Variants in CHL1 observed in about 807,000 individuals in gnomAD.
CHL1 encodes the protein cell adhesion molecule L1 like, also known as neural cell adhesion molecule L1-like protein.
CHL1 carries 96 observed loss-of-function variants against 141.9 expected under a neutral mutation model. The observed-to-expected ratio is 0.68, with a 90% CI of 0.57 to 0.80. The LOEUF is 0.80. Among genes scored for constraint, CHL1 ranks in the 30% least tolerant of loss-of-function variants. The pLI, the probability that CHL1 is intolerant of heterozygous loss-of-function variation, is 0.00. For synonymous variants in CHL1, 613 were observed against 502.2 expected (o/e 1.22, Z -2.95); for missense variants, 1,820 against 1,457.2 (o/e 1.25, Z -4.05).
intron 2 of CHL1, among the ~76,000 whole-genome samples, chr3:314,626 T>A (rs1396436053): frequency 2.6e-5 from 4 of 151,762 alleles, no homozygotes; most frequent in Non-Finnish European, 5.9e-5. Flanking sequence ...TGGCTGCCAT[T>A]TTACGTTTAG....
chr3:298,633 G>A (rs755197486), intron 2 of CHL1, among the ~76,000 whole-genome samples: 8 of 152,242 alleles, frequency 5.3e-5, no homozygotes, highest in Admixed American at 3.9e-4. Context: ...TAACTTGCTT[G>A]CCAGGAGGGT....
At chr3:237,426 T>C (rs1001882907) in intron 1 of CHL1, among the ~76,000 whole-genome samples, 2 of 152,350 alleles carry the variant, frequency 1.3e-5, no homozygotes, top group Non-Finnish European at 1.5e-5. Flanking sequence ...AAGTTCTTTG[T>C]AGCACTGTGA....
At chr3:382,423 C>T (rs1177231546) in intron 17 of CHL1, 51 bp from the exon 18 acceptor site, 22 of 1,524,830 alleles carry the variant, frequency 1.4e-5, no homozygotes, top group African/African-American at 4.1e-5. Context: ...TTTGGTATAA[C>T]TTATCCATAC....
intron 11 of CHL1, among the ~76,000 whole-genome samples, chr3:359,762 G>C (rs1704043030): frequency 6.6e-6 from 1 of 152,196 alleles, no homozygotes; most frequent in Non-Finnish European, 1.5e-5. Flanking sequence ...TGTACATGAA[G>C]TGGTTAAATA....
intron 1 of CHL1, among the ~76,000 whole-genome samples, chr3:225,500 G>C (rs1701235339): frequency 6.6e-6 from 1 of 152,174 alleles, no homozygotes; most frequent in South Asian, 2.1e-4. Flanking sequence ...CACGAGAATA[G>C]TATGTGAGAA....
At chr3:276,908 A>G (rs1269987118) in intron 2 of CHL1, among the ~76,000 whole-genome samples, 1 of 150,578 alleles carries the variant, frequency 6.6e-6, no homozygotes, top group Non-Finnish European at 1.5e-5. Context: ...AAAAAAAAAA[A>G]AAAAAAAAGA....
chr3:370,732 T>G (rs1358123765), intron 15 of CHL1, among the ~76,000 whole-genome samples: 1 of 152,242 alleles, frequency 6.6e-6, no homozygotes, highest in Non-Finnish European at 1.5e-5. Flanking sequence ...AGCTTTCTGA[T>G]GTGGGCATTT....
intron 1 of CHL1, among the ~76,000 whole-genome samples, chr3:212,901 G>T (rs1440014716): frequency 2.0e-5 from 3 of 152,102 alleles, no homozygotes; most frequent in Non-Finnish European, 4.4e-5. Context: ...TCATATCTTT[G>T]TGCCAAATTC....
At chr3:298,637 G>A (rs1215474617) in intron 2 of CHL1, among the ~76,000 whole-genome samples, 1 of 152,148 alleles carries the variant, frequency 6.6e-6, no homozygotes, top group African/African-American at 2.4e-5. Flanking sequence ...TTGCTTGCCA[G>A]GAGGGTCTCT....
rs1399011166 is a variant in CHL1 at position 197,442 on chromosome 3, C to G, written c.-175+379C>G. ...CTCTCTGAGGAGGATTCCAGACCCC[C>G]CCGTAGATCTCCGCCCTCTCTCGGG... On this transcript the variant is annotated intron_variant, in intron 1 of 27. Transcript: ENST00000256509. 4 of 163,920 alleles carry G rather than the reference C, an allele frequency of 2.4e-5. 1 individual carries two copies. The highest frequency in any genetic ancestry group is 1.3e-5 in the Non-Finnish European group (1 of 74,304). The allele number at this position is 163,920 out of a possible 1,614,324, so 10.2% of individuals were successfully genotyped here. A position where few individuals can be genotyped will look rare whatever the true frequency, so the allele number is the denominator to read the frequency against.
chr3:322,400 T>C (rs1369534652), intron 3 of CHL1, among the ~76,000 whole-genome samples: 3 of 151,792 alleles, frequency 2.0e-5, no homozygotes, highest in African/African-American at 7.3e-5. Context: ...GTTTCCAGAA[T>C]TCTTGGGGTC....
At chr3:353,334 T>C (rs1703425127) in intron 10 of CHL1, among the ~76,000 whole-genome samples, 1 of 152,194 alleles carries the variant, frequency 6.6e-6, no homozygotes, top group South Asian at 2.1e-4. Flanking sequence ...AGTTTTATAT[T>C]GGTTGTATTA....
At chr3:211,318 G>A (rs1699886452) in intron 1 of CHL1, among the ~76,000 whole-genome samples, 1 of 152,218 alleles carries the variant, frequency 6.6e-6, no homozygotes, top group Non-Finnish European at 1.5e-5. Context: ...ATGGAAAGGA[G>A]ACTAGCGTGT....
At chr3:357,500 A>G (rs1703823855) in intron 11 of CHL1, among the ~76,000 whole-genome samples, 1 of 152,180 alleles carries the variant, frequency 6.6e-6, no homozygotes, top group African/African-American at 2.4e-5. Context: ...TACATTACTT[A>G]CTGGAGAATG....
intron 15 of CHL1, among the ~76,000 whole-genome samples, chr3:367,729 G>T (rs959656620): frequency 6.6e-6 from 1 of 152,000 alleles, no homozygotes; most frequent in Admixed American, 6.5e-5. Flanking sequence ...TGTTACATAG[G>T]TATACATGTG....
intron 24 of CHL1, among the ~76,000 whole-genome samples, chr3:396,647 T>G (rs1005782210): frequency 1.3e-5 from 2 of 152,150 alleles, no homozygotes; most frequent in African/African-American, 2.4e-5. Context: ...TAAAGAACAT[T>G]TCTTCACTGT....
At chr3:314,702 G>C (rs1700033047) in intron 2 of CHL1, among the ~76,000 whole-genome samples, 2 of 151,892 alleles carry the variant, frequency 1.3e-5, no homozygotes, top group Admixed American at 6.6e-5. Context: ...CTTCCAACAG[G>C]GTAGTGCAGG....
intron 15 of CHL1, among the ~76,000 whole-genome samples, chr3:369,712 C>A (rs1015437926): frequency 6.6e-6 from 1 of 152,186 alleles, no homozygotes. Flanking sequence ...TTTGCCAATT[C>A]AATATGATAT....
At chr3:293,702 A>G (rs957905219) in intron 2 of CHL1, among the ~76,000 whole-genome samples, 2 of 152,194 alleles carry the variant, frequency 1.3e-5, no homozygotes, top group Admixed American at 6.5e-5. Flanking sequence ...AAGATTCCAA[A>G]TGATGATTGT....
Sources: allele counts gnomAD v4.1 joint callset (sites outside exome capture counted in the v4.1 genomes callset), GRCh38; gene constraint gnomAD v4.1.1; transcripts MANE v1.5; gene names NCBI Gene and HGNC (gene_info 2026-07-23, HGNC 2026-07-21).